Variants in HERC4 observed in about 807,000 individuals in gnomAD.
The protein encoded by HERC4 is probable E3 ubiquitin-protein ligase HERC4.
Under a neutral mutation model 124.3 loss-of-function variants are expected in HERC4, and 28 were observed. The ratio of observed to expected loss-of-function variants is 0.23; its 90% CI spans 0.17 to 0.31. HERC4 has a LOEUF of 0.31. Ranked by LOEUF, HERC4 falls within the 10% of genes least tolerant of loss-of-function variation. The probability of loss-of-function intolerance (pLI) is 1.00; values close to 1 mark genes in which losing one functional copy is unlikely to be tolerated. For missense variants in HERC4, 713 were observed against 1,229.3 expected (o/e 0.58, Z 6.28); for synonymous variants, 407 against 421.5 (o/e 0.97, Z 0.42).
At chr10:68,040,719 T>C (rs183169268) in intron 4 of HERC4, among the ~76,000 whole-genome samples, 236 of 151,724 alleles carry the variant, frequency 1.6e-3, no homozygotes, top group African/African-American at 5.2e-3. Flanking sequence ...TGAAACCCCG[T>C]CTCTACTAAA....
chr10:67,964,607 T>A (rs1403213099), intron 16 of HERC4, among the ~76,000 whole-genome samples: 1 of 152,140 alleles, frequency 6.6e-6, no homozygotes, highest in Non-Finnish European at 1.5e-5. Flanking sequence ...AACAAAGTGA[T>A]CATTCAAAAA....
chr10:67,954,811 G>A (rs1041513023), intron 18 of HERC4, 73 bp from the exon 19 acceptor site: 5 of 1,392,174 alleles, frequency 3.6e-6, no homozygotes, highest in Non-Finnish European at 4.9e-6. Context: ...CCTAGAACAT[G>A]TTATTTATTA....
chr10:67,992,058 C>G, intron 11 of HERC4, 141 bp downstream of exon 11: 1 of 685,662 alleles, frequency 1.5e-6, no homozygotes, highest in South Asian at 1.8e-5. Flanking sequence ...ACCACCACGC[C>G]CAGCTAATTG....
chr10:67,932,721 A>T lies in HERC4; in HGVS notation c.2714T>A (p.Phe905Tyr). 1 of 1,600,228 alleles carries T rather than the reference A, an allele frequency of 6.2e-7. No homozygotes were observed. Among genetic ancestry groups the T allele is most frequent in the Middle Eastern group, 1.7e-4 (1 of 6,040 alleles). Residue 905 changes from phenylalanine (F) to tyrosine (Y), a missense_variant, in exon 23 of 25, where the codon TTT (phenylalanine) becomes TAT (tyrosine). Physicochemically the swap from Phe to Tyr is conservative, Grantham distance 22 (BLOSUM62 3). Coordinates refer to ENST00000373700, the MANE Select transcript of HERC4 (RefSeq NM_015601.4). ...YIFNKSVASLFDAFHAGFHKV... is the reference protein window; with the variant it reads ...YIFNKSVASLYDAFHAGFHKV... ...ATGAAAGCCCGCATGAAAAGCATCA[A>T]ATAAGGAAGCCACTGATTTATTGAA...
At chr10:67,954,531 A>G in intron 19 of HERC4, 64 bp downstream of exon 19, 1 of 1,276,660 alleles carries the variant, frequency 7.8e-7, no homozygotes, top group South Asian at 1.8e-5. Context: ...AATTAACTTG[A>G]TACATACAGG....
At chr10:68,053,075 T>C (rs2133620655) in intron 3 of HERC4, among the ~76,000 whole-genome samples, 1 of 152,294 alleles carries the variant, frequency 6.6e-6, no homozygotes, top group Non-Finnish European at 1.5e-5. Flanking sequence ...TTAGTCTTTT[T>C]ATTCTAGTCT....
intron 5 of HERC4, among the ~76,000 whole-genome samples, chr10:68,036,904 AT>A (rs1262048966): frequency 6.6e-6 from 1 of 151,888 alleles, no homozygotes; most frequent in African/African-American, 2.4e-5. Context: ...AATAGTACAT[AT>A]TTTTTTCTGC....
intron 9 of HERC4, among the ~76,000 whole-genome samples, chr10:68,013,823 A>T (rs2038109486): frequency 6.6e-6 from 1 of 152,222 alleles, no homozygotes; most frequent in South Asian, 2.1e-4. Context: ...CTCTGTAAGT[A>T]ACTTTTACTT....
intron 9 of HERC4, among the ~76,000 whole-genome samples, chr10:68,005,179 G>A (rs2037465566): frequency 1.3e-5 from 2 of 152,080 alleles, no homozygotes; most frequent in South Asian, 2.1e-4. Context: ...TCTGTCTCTT[G>A]TTAGCTCTAA....
intron 8 of HERC4, among the ~76,000 whole-genome samples, chr10:68,020,732 G>A (rs1273502086): frequency 6.7e-6 from 1 of 148,910 alleles, no homozygotes; most frequent in Non-Finnish European, 1.5e-5. Flanking sequence ...TCGCGCCACT[G>A]CACTCCAGCC....
intron 15 of HERC4, among the ~76,000 whole-genome samples, chr10:67,968,178 CAGTG>C (rs1564976340): frequency 6.6e-6 from 1 of 152,044 alleles, no homozygotes; most frequent in Non-Finnish European, 1.5e-5. Context: ...CACAGCCAGA[CAGTG>C]AGGAATAAAA....
intron 16 of HERC4, chr10:67,961,038 T>C: frequency 3.5e-6 from 1 of 289,730 alleles, no homozygotes. Flanking sequence ...ACCTGACCAT[T>C]GCGTTTCTTA....
chr10:68,059,905 T>TAATAATATTATATATCATA (rs199788798), intron 3 of HERC4, among the ~76,000 whole-genome samples: 1 of 46,244 alleles, frequency 2.2e-5, no homozygotes, highest in Non-Finnish European at 3.3e-5. Context: ...TTATATATTA[T>TAATAATATTATATATCATA]ATAATATTAT....
rs992564480 is a variant in HERC4, at chr10:68,033,757, C to T, written c.685+208G>A. ...AACATCCAATACTAAACATTTTGTCCAGATATACTTTTTATAGTTCTTTAA... is the reference window on the plus strand; with the variant it reads ...AACATCCAATACTAAACATTTTGTCTAGATATACTTTTTATAGTTCTTTAA... On this transcript the variant is annotated intron_variant, in intron 6 of 24. Transcript: ENST00000373700. 1.3e-4 allele frequency among the ~76,000 whole-genome samples: 20 copies of T among 152,076 alleles called. 1 individual carries two copies. Among genetic ancestry groups the T allele is most frequent in the African/African-American group, 4.3e-4 (18 of 41,400 alleles).
chr10:67,926,837 T>C (rs2031035779), intron 23 of HERC4, among the ~76,000 whole-genome samples: 1 of 152,244 alleles, frequency 6.6e-6, no homozygotes, highest in African/African-American at 2.4e-5. Context: ...TTCACTAAAC[T>C]CTTTTTCACT....
chr10:68,007,778 T>C (rs2037665459), intron 9 of HERC4: 2 of 151,876 alleles, frequency 1.3e-5, no homozygotes, highest in South Asian at 4.2e-4. Context: ...AAAGGCACGA[T>C]CCCACTACTG....
At chr10:68,004,758 G>A (rs2037437545) in intron 9 of HERC4, among the ~76,000 whole-genome samples, 1 of 152,212 alleles carries the variant, frequency 6.6e-6, no homozygotes. Context: ...GCAGGAAGAA[G>A]TGTCGAGCAA....
intron 9 of HERC4, chr10:68,010,228 CAG>C: frequency 9.3e-7 from 1 of 1,074,592 alleles, no homozygotes; most frequent in South Asian, 1.3e-5. Context: ...TGGGAGAGCC[CAG>C]AGTGGCGACA....
At chr10:68,041,988 C>T (rs1242519490) in intron 4 of HERC4, among the ~76,000 whole-genome samples, 1 of 152,098 alleles carries the variant, frequency 6.6e-6, no homozygotes, top group East Asian at 1.9e-4. Context: ...AAAGTATAAC[C>T]TAATGCGAAT....
Sources: allele counts gnomAD v4.1 joint callset (sites outside exome capture counted in the v4.1 genomes callset), GRCh38; gene constraint gnomAD v4.1.1; transcripts MANE v1.5; gene names NCBI Gene and HGNC (gene_info 2026-07-23, HGNC 2026-07-21).